Variants in NMRK1 observed in about 807,000 individuals in gnomAD.
NMRK1 encodes the protein nicotinamide riboside kinase 1.
In NMRK1, 28 loss-of-function variants were observed where a neutral mutation model predicts 29.9. The observed-to-expected ratio is 0.94, with a 90% CI of 0.69 to 1.28. The LOEUF (loss-of-function observed/expected upper bound fraction) is 1.28. Among genes scored for constraint, NMRK1 ranks in the 50% most tolerant of loss-of-function variants. The pLI, the probability that NMRK1 is intolerant of heterozygous loss-of-function variation, is 0.00. For missense variants in NMRK1, 218 were observed against 233.1 expected (o/e 0.94, Z 0.42); for synonymous variants, 58 against 73.0 (o/e 0.79, Z 1.05).
chr9:75,082,987 G>A, intron 2 of NMRK1, 100 bp downstream of exon 2: 1 of 866,168 alleles, frequency 1.2e-6, no homozygotes. Context: ...CCAGGACTCT[G>A]GAATCCTCAC....
Position 75,066,839 on chromosome 9 carries a change from C to A in NMRK1, c.498G>T (p.Val166=). The A allele has an allele frequency of 6.3e-7, 1 of 1,579,948 alleles. No homozygotes were observed. Among genetic ancestry groups the A allele is most frequent in the Non-Finnish European group, 8.7e-7 (1 of 1,150,870 alleles). ...CTTCAGATTTTGTTCCATCCAGGTA[C>A]ACTACGAAGGGGAAAAGAGAGCAGT... The part of the protein sequence containing the change: ...QEMQDITWEV[V]YLDGTKSEED... Residue 166 remains valine, a splice_region_variant and synonymous_variant, in exon 8 of 9, where the codon GTG becomes GTT. Transcript: ENST00000361092.
chr9:75,079,601 T>C (rs916639040), intron 2 of NMRK1, among the ~76,000 whole-genome samples: 90 of 152,148 alleles, frequency 5.9e-4, no homozygotes, highest in African/African-American at 2.1e-3. Context: ...CAGTCTGAGA[T>C]ATGGAGAGGA....
intron 8 of NMRK1, 72 bp from the exon 9 acceptor site, chr9:75,061,639 A>C: frequency 8.0e-7 from 1 of 1,251,904 alleles, no homozygotes; most frequent in Non-Finnish European, 1.2e-6. Flanking sequence ...TACATCAACA[A>C]CAGTAAATCT....
At chr9:75,082,410 A>G (rs1824373561) in intron 2 of NMRK1, among the ~76,000 whole-genome samples, 1 of 152,196 alleles carries the variant, frequency 6.6e-6, no homozygotes, top group African/African-American at 2.4e-5. Context: ...CCAAAATTAC[A>G]AACAAAGTAG....
rs1451592589 is a variant in NMRK1 at position 75,083,106 on chromosome 9, A to G, written c.10T>C (p.Phe4Leu). 1.3e-6 allele frequency: 2 copies of G among 1,597,032 alleles called. No individual in the cohort carries two copies. The highest frequency in any genetic ancestry group is 1.7e-6 in the Non-Finnish European group (2 of 1,164,488). ...ACTCACCCACTGATTCCAATGATAA[A>G]TGTTTTCATAATTAGCTTTGAAAAT... is the stretch of plus-strand genomic sequence containing the variant. MKT[F>L]IIGISGVTNS... is the part of the protein sequence containing the mutation. Residue 4 changes from phenylalanine (F) to leucine (L), a missense_variant, in exon 2 of 9, where the codon TTT becomes CTT. Coordinates refer to ENST00000361092, the MANE Select transcript of NMRK1 (RefSeq NM_017881.3).
At chr9:75,086,080 TA>T (rs368915179) in intron 1 of NMRK1, among the ~76,000 whole-genome samples, 2 of 151,318 alleles carry the variant, frequency 1.3e-5, no homozygotes, top group Non-Finnish European at 2.9e-5. Flanking sequence ...GTTGCCCCTA[TA>T]AAAAAAATCA....
intron 2 of NMRK1, chr9:75,078,591 A>C (rs1420200672): frequency 1.6e-6 from 2 of 1,243,282 alleles, no homozygotes; most frequent in Admixed American, 8.1e-5. Context: ...GTCTGTGAAC[A>C]TAAGTCAGGG....
chr9:75,081,823 G>C (rs1161258756), intron 2 of NMRK1, among the ~76,000 whole-genome samples: 1 of 152,198 alleles, frequency 6.6e-6, no homozygotes, highest in Admixed American at 6.5e-5. Context: ...CCTAGGGGAA[G>C]AGAAGCATTT....
At chr9:75,061,612 T>TC in intron 8 of NMRK1, 45 bp from the exon 9 acceptor site, 1 of 1,480,484 alleles carries the variant, frequency 6.8e-7, no homozygotes, top group Non-Finnish European at 9.4e-7. Context: ...ATTCCAATTC[T>TC]CATTTTATTA....
At chr9:75,066,919 C>G (rs1823388035) in intron 7 of NMRK1, 79 bp from the exon 8 acceptor site, 1 of 778,930 alleles carries the variant, frequency 1.3e-6, no homozygotes, top group African/African-American at 1.7e-5. Flanking sequence ...CCCAACATCT[C>G]TTGTAAATGC....
chr9:75,082,072 T>C (rs570901375), intron 2 of NMRK1, among the ~76,000 whole-genome samples: 71 of 152,336 alleles, frequency 4.7e-4, no homozygotes, highest in African/African-American at 1.6e-3. Context: ...CATCATGATA[T>C]TCAGATTTAA....
chr9:75,080,759 G>A (rs886787666), intron 2 of NMRK1, among the ~76,000 whole-genome samples: 3 of 152,206 alleles, frequency 2.0e-5, no homozygotes, highest in African/African-American at 4.8e-5. Flanking sequence ...TAATGAGTGA[G>A]TTTTTGCTCT....
chr9:75,083,838 A>G (rs1245627394), intron 1 of NMRK1, among the ~76,000 whole-genome samples: 1 of 152,240 alleles, frequency 6.6e-6, no homozygotes, highest in Non-Finnish European at 1.5e-5. Context: ...ATATAACAAG[A>G]GAAAAAACAT....
At chr9:75,068,352 T>C (rs1823487747) in intron 7 of NMRK1, among the ~76,000 whole-genome samples, 1 of 152,230 alleles carries the variant, frequency 6.6e-6, no homozygotes, top group Admixed American at 6.5e-5. Context: ...CCTAGATTAT[T>C]GGCCTTATAG....
In NMRK1 at chr9:75,073,600, G is replaced by A. The variant is rs146692364; in HGVS notation, c.170-3558C>T. On this transcript the variant is annotated intron_variant, in intron 4 of 8. Transcript: ENST00000361092. Reference sequence around the variant, plus strand: ...CTTTAAAAAAAAAAATTAGTCAGGCGTGGTGGTGTGTGGCTGTAGTCCCAG... The same window carrying A: ...CTTTAAAAAAAAAAATTAGTCAGGCATGGTGGTGTGTGGCTGTAGTCCCAG... Among the ~76,000 whole-genome samples, 9 of 152,158 alleles carry A rather than the reference G, an allele frequency of 5.9e-5. No individual in the cohort carries two copies. The East Asian group carries it at 1.2e-3, about 20-fold the overall frequency.
intron 8 of NMRK1, among the ~76,000 whole-genome samples, chr9:75,065,128 T>C (rs1485089395): frequency 6.6e-6 from 1 of 152,202 alleles, no homozygotes; most frequent in East Asian, 1.9e-4. Context: ...ATACCCTGAG[T>C]AGCTGAGATT....
In NMRK1 at chr9:75,067,749, C is replaced by T. The variant is rs181857361; in HGVS notation, c.497-909G>A. Among the ~76,000 whole-genome samples the T allele has an allele frequency of 7.4e-4, 113 of 152,310 alleles. 1 individual carries two copies. Among genetic ancestry groups the T allele is most frequent in the Non-Finnish European group, 1.4e-3 (97 of 68,024 alleles). On this transcript the variant is annotated intron_variant, in intron 7 of 8. Coordinates refer to ENST00000361092, the MANE Select transcript of NMRK1 (RefSeq NM_017881.3). Reference sequence around the variant, plus strand: ...CTTGCAACCAATGGTCCAAGTTGGACGTGGTGCAGCCAGAATCTCAGCATT... The same window carrying T: ...CTTGCAACCAATGGTCCAAGTTGGATGTGGTGCAGCCAGAATCTCAGCATT...
chr9:75,061,555 G>A lies in NMRK1; in HGVS notation c.593C>T (p.Thr198Ile). ...ATTTGTTGTGTTCCGTCTTTATGCT[G>A]TCACTTGCAAACCTTGGGAATAAAC... ...ELAKQKCLQV[T>I]A Residue 198 changes from threonine (T) to isoleucine (I), a missense_variant, in exon 9 of 9, where the codon ACA becomes ATA. Physicochemically the swap from Thr to Ile is moderately conservative, Grantham distance 89. Transcript: ENST00000361092. The A allele has an allele frequency of 6.2e-7, 1 of 1,609,804 alleles. No homozygotes were observed. Among genetic ancestry groups the A allele is most frequent in the Non-Finnish European group, 8.5e-7 (1 of 1,177,040 alleles).
chr9:75,070,026 G>T lies in NMRK1; in HGVS notation c.186C>A (p.Asn62Lys), dbSNP rs1823608930. The T allele has an allele frequency of 1.2e-6, 2 of 1,612,306 alleles. No homozygotes were observed. Among genetic ancestry groups the T allele is most frequent in the Admixed American group, 1.7e-5 (1 of 59,564 alleles). The change falls in exon 5 of 9, where the codon AAC (asparagine) becomes AAA (lysine). Residue 62 changes from asparagine (N) to lysine (K), a missense_variant. Transcript: ENST00000361092. ...FLQYDVLEAL[N>K]MEKMMSAISC... ...AAATGGCTGACATCATTTTTTCCAT[G>T]TTAAGTGCTTCAAGCACTTCAAACA...
Sources: gnomAD v4.1 joint callset for allele counts (sites outside exome capture counted in the v4.1 genomes callset) on GRCh38, gnomAD v4.1.1 for gene constraint, MANE v1.5 for transcripts, NCBI Gene and HGNC (gene_info 2026-07-23, HGNC 2026-07-21) for gene names.